Variants in COL4A5 observed in about 807,000 individuals in gnomAD.
COL4A5 encodes collagen alpha-5(IV) chain.
Under a neutral mutation model 130.2 loss-of-function variants are expected in COL4A5, and 26 were observed. That is an observed-to-expected ratio of 0.20 (90% CI 0.15 to 0.28). The LOEUF is 0.28. Among genes scored for constraint, COL4A5 ranks in the 10% least tolerant of loss-of-function variants. The probability of loss-of-function intolerance (pLI) is 1.00; values close to 1 mark genes in which losing one functional copy is unlikely to be tolerated. For missense variants in COL4A5, 1,131 were observed against 1,344.3 expected (o/e 0.84, Z 2.48); for synonymous variants, 496 against 439.6 (o/e 1.13, Z -1.60).
At chrX:108,528,020 A>G (rs1434462689) in intron 1 of COL4A5, among the ~76,000 whole-genome samples, 1 of 112,092 alleles carries the variant, frequency 8.9e-6, no homozygotes, top group Non-Finnish European at 1.9e-5. Flanking sequence ...CACCTGGTCC[A>G]CTGCTGGCAT....
chrX:108,569,620 T>C (rs2066028067), intron 6 of COL4A5, among the ~76,000 whole-genome samples: 1 of 111,768 alleles, frequency 8.9e-6, no homozygotes, highest in South Asian at 3.7e-4. Context: ...TAATATTCTG[T>C]AAAACTATTC....
At position 108,539,683 on chromosome X, in the gene COL4A5, A is replaced by G. The variant is rs1381689743; in HGVS notation, c.82-63A>G. 3.3e-6 allele frequency: 3 copies of G among 911,781 alleles called. No homozygotes were observed. The African/African-American group carries it at 5.9e-5, about 18-fold the overall frequency. 75.1% of individuals were successfully genotyped at this position (911,781 alleles called of 1,213,427 possible). ...GGATTGTTGATTTCAGTTGAGCTGTAAGTCAGAGTCTGATTTTTGGGTTCA... is the reference window on the plus strand; with the variant it reads ...GGATTGTTGATTTCAGTTGAGCTGTGAGTCAGAGTCTGATTTTTGGGTTCA... On this transcript the variant is annotated intron_variant, in intron 1 of 52. Coordinates refer to ENST00000328300, the MANE Select transcript of COL4A5 (RefSeq NM_033380.3).
At chrX:108,564,757 T>A (rs935698834) in intron 4 of COL4A5, among the ~76,000 whole-genome samples, 26 of 112,046 alleles carry the variant, frequency 2.3e-4, no homozygotes, top group African/African-American at 7.4e-4. Context: ...AAATATATAG[T>A]TGGTGACATA....
chrX:108,649,114 C>G (rs1233338401), intron 36 of COL4A5, among the ~76,000 whole-genome samples: 2 of 110,942 alleles, frequency 1.8e-5, no homozygotes, highest in African/African-American at 3.3e-5. Flanking sequence ...AGCAGAGAAT[C>G]AAATCAAGAA....
Position 108,620,333 on chromosome X carries a change from A to G in COL4A5, c.2584A>G (p.Arg862Gly), listed in dbSNP as rs2067014975. Residue 862 changes from arginine (R) to glycine (G), a missense_variant, in exon 31 of 53, where the codon AGA becomes GGA. Transcript: ENST00000328300. ...GLDVPGPPGE[R>G]GSPGIPGAPG... is the part of the protein sequence containing the mutation. ...TGATGTTCCAGGACCCCCAGGTGAA[A>G]GAGGCAGTCCAGGGATCCCCGGAGC... is the stretch of plus-strand genomic sequence containing the variant. 5 of 1,208,901 alleles carry G rather than the reference A, an allele frequency of 4.1e-6. No individual in the cohort carries two copies. Among genetic ancestry groups the G allele is most frequent in the Admixed American group, 2.2e-5 (1 of 46,050 alleles).
At chrX:108,548,065 G>A (rs1000592419) in intron 2 of COL4A5, among the ~76,000 whole-genome samples, 3 of 111,595 alleles carry the variant, frequency 2.7e-5, no homozygotes, top group East Asian at 2.9e-4. Context: ...CCCGGGTGAG[G>A]CGATGCCTCA....
intron 1 of COL4A5, among the ~76,000 whole-genome samples, chrX:108,470,481 T>G (rs2064755795): frequency 8.9e-6 from 1 of 112,033 alleles, no homozygotes; most frequent in African/African-American, 3.2e-5. Flanking sequence ...CTTTGCCCAT[T>G]TTTAAATGGA....
chrX:108,691,467 T>C (rs2068638608), intron 49 of COL4A5, among the ~76,000 whole-genome samples: 1 of 111,143 alleles, frequency 9.0e-6, no homozygotes, highest in Admixed American at 9.7e-5. Flanking sequence ...AATACGTTTC[T>C]AATAAAAGTT....
At chrX:108,603,194 T>C in intron 28 of COL4A5, 133 bp downstream of exon 28, 1 of 383,285 alleles carries the variant, frequency 2.6e-6, no homozygotes, top group Non-Finnish European at 4.6e-6. Flanking sequence ...TAACTTATTA[T>C]ATTTCCATTA....
Position 108,541,773 on chromosome X carries a change from C to T in COL4A5, c.141+1968C>T, listed in dbSNP as rs567799656. Among the ~76,000 whole-genome samples the T allele has an allele frequency of 8.0e-4, 90 of 112,286 alleles. 2 individuals are homozygous for T. In the South Asian group the frequency reaches 0.032, roughly 40 times the overall value. ...ACTGAGCATAGATTTAACCGTTGTC[C>T]GTTGAAAGGAGAATGGAGTTTTAAG... On this transcript the variant is annotated intron_variant, in intron 2 of 52. Coordinates refer to ENST00000328300, the MANE Select transcript of COL4A5 (RefSeq NM_033380.3).
At chrX:108,549,285 C>T (rs1299883354) in intron 2 of COL4A5, among the ~76,000 whole-genome samples, 1 of 111,746 alleles carries the variant, frequency 8.9e-6, no homozygotes, top group Non-Finnish European at 1.9e-5. Flanking sequence ...AGCCCAACAT[C>T]AAACAACTAC....
In COL4A5 at chrX:108,445,353, C is replaced by T. The variant is rs189052550; in HGVS notation, c.81+5147C>T. Among the ~76,000 whole-genome samples, 3 of 111,936 alleles carry T rather than the reference C, an allele frequency of 2.7e-5. No individual in the cohort carries two copies. The East Asian group carries it at 8.4e-4, about 31-fold the overall frequency. On this transcript the variant is annotated intron_variant, in intron 1 of 52. Transcript: ENST00000328300. ...TGTGGATTCAAGTCTTTGCTCAATT[C>T]CAGCAAATGTTTACATTTATTCAGC...
At chrX:108,575,774 T>G in intron 9 of COL4A5, 136 bp from the exon 10 acceptor site, 1 of 465,967 alleles carries the variant, frequency 2.1e-6, no homozygotes. Flanking sequence ...GAGGCGGAGG[T>G]CGCAGTGAGT....
chrX:108,685,409 C>T (rs913573964), intron 47 of COL4A5, among the ~76,000 whole-genome samples: 2 of 112,286 alleles, frequency 1.8e-5, no homozygotes, highest in African/African-American at 6.5e-5. Flanking sequence ...TAGACTATGT[C>T]AGGTTACTGT....
Position 108,598,707 on chromosome X carries a change from A to G in COL4A5, c.1785A>G (p.Gly595=). The change falls in exon 25 of 53, where the codon GGA becomes GGG. Residue 595 remains glycine, a synonymous_variant. Transcript: ENST00000328300. ...TTAAACTTTTCCCTTTTTAGGGTGG[A>G]ATTACTTTTAAGGGTGAAAGAGGTC... ...GLPGPKGEPG[G]ITFKGERGPP... is the part of the protein sequence containing the mutation. The G allele has an allele frequency of 8.3e-7, 1 of 1,208,636 alleles. No individual in the cohort carries two copies. The highest frequency in any genetic ancestry group is 1.1e-6 in the Non-Finnish European group (1 of 893,552).
At chrX:108,649,514 A>G (rs1361495874) in intron 36 of COL4A5, among the ~76,000 whole-genome samples, 1 of 112,377 alleles carries the variant, frequency 8.9e-6, no homozygotes, top group Non-Finnish European at 1.9e-5. Context: ...CTATACTGTT[A>G]AGGCCATAGT....
intron 36 of COL4A5, among the ~76,000 whole-genome samples, chrX:108,635,820 C>T (rs2147893321): frequency 8.9e-6 from 1 of 112,388 alleles, no homozygotes; most frequent in East Asian, 2.8e-4. Context: ...ACAAATGATG[C>T]TGGAACATGG....
intron 1 of COL4A5, among the ~76,000 whole-genome samples, chrX:108,502,737 G>A (rs1438629644): frequency 9.0e-6 from 1 of 111,383 alleles, no homozygotes; most frequent in Non-Finnish European, 1.9e-5. Context: ...TAACACCCAG[G>A]TCAAGAAATA....
intron 36 of COL4A5, among the ~76,000 whole-genome samples, chrX:108,645,346 A>T (rs1415078759): frequency 1.8e-5 from 2 of 111,857 alleles, no homozygotes; most frequent in African/African-American, 6.5e-5. Context: ...AAAAGAAGAG[A>T]GAAAATCCAA....
Sources: gnomAD v4.1 joint callset for allele counts (sites outside exome capture counted in the v4.1 genomes callset) on GRCh38, gnomAD v4.1.1 for gene constraint, MANE v1.5 for transcripts, NCBI Gene and HGNC (gene_info 2026-07-23, HGNC 2026-07-21) for gene names.